GOLGB1: variants seen among roughly 807,000 people sequenced by gnomAD.
The protein encoded by GOLGB1 is golgin subfamily B member 1.
GOLGB1 carries 174 observed loss-of-function variants against 336.9 expected under a neutral mutation model. That is an observed-to-expected ratio of 0.52 (90% confidence interval 0.46 to 0.59). GOLGB1 has a LOEUF of 0.59. GOLGB1 is among the 20% of genes least tolerant of loss of function. The pLI is 0.00. For missense variants in GOLGB1, 3,331 were observed against 3,645.3 expected (o/e 0.91, Z 2.22); for synonymous variants, 1,208 against 1,289.2 (o/e 0.94, Z 1.35).
intron 21 of GOLGB1, 37 bp downstream of exon 21, chr3:121,664,889 T>TA (rs748103831): frequency 1.6e-6 from 2 of 1,266,098 alleles, no homozygotes; most frequent in East Asian, 4.6e-5. Flanking sequence ...CCCTGTCAGA[T>TA]AATAAAACAC....
At chr3:121,723,291 T>C (rs1002423607) in intron 5 of GOLGB1, among the ~76,000 whole-genome samples, 11 of 152,234 alleles carry the variant, frequency 7.2e-5, no homozygotes, top group African/African-American at 2.7e-4. Context: ...TGTAAGTTAC[T>C]GTTGAGGTGC....
intron 14 of GOLGB1, among the ~76,000 whole-genome samples, chr3:121,686,010 T>C (rs1157277668): frequency 6.6e-6 from 1 of 152,148 alleles, no homozygotes; most frequent in Non-Finnish European, 1.5e-5. Context: ...GCATTTTAGC[T>C]CCTTGGAGTG....
chr3:121,709,337 T>C (rs1944153814), intron 10 of GOLGB1, among the ~76,000 whole-genome samples: 1 of 152,220 alleles, frequency 6.6e-6, no homozygotes, highest in East Asian at 1.9e-4. Context: ...AAGTGCTATT[T>C]GTAGAACATT....
rs142534856 is a variant in GOLGB1 at position 121,698,406 on chromosome 3, T to C, written c.2117A>G (p.His706Arg). 4 of 1,613,816 alleles carry C rather than the reference T, an allele frequency of 2.5e-6. No individual in the cohort carries two copies. The highest frequency in any genetic ancestry group is 1.6e-4 in the Middle Eastern group (1 of 6,084). The change falls in exon 13 of 22, where the codon CAT (histidine) becomes CGT (arginine). Residue 706 changes from histidine (H) to arginine (R), a missense_variant. By Grantham distance (29) the His-to-Arg change is conservative (BLOSUM62 0). Coordinates refer to ENST00000614479, the MANE Select transcript of GOLGB1 (RefSeq NM_001366282.2). ...TTTCTCATAGATTTCTTGTGCTTTA[T>C]GAAAGTTTAGCTCGAGCTCCAAAAT... ...SQILELELNFHKAQEIYEKNL... is the reference protein window; with the variant it reads ...SQILELELNFRKAQEIYEKNL...
intron 17 of GOLGB1, among the ~76,000 whole-genome samples, chr3:121,672,260 T>C (rs992537526): frequency 2.0e-5 from 3 of 152,100 alleles, no homozygotes; most frequent in African/African-American, 7.2e-5. Context: ...GTATGGGAGT[T>C]CCCCCTTTCT....
At chr3:121,703,188 C>G (rs1182051670) in intron 10 of GOLGB1, among the ~76,000 whole-genome samples, 2 of 152,026 alleles carry the variant, frequency 1.3e-5, no homozygotes, top group African/African-American at 4.8e-5. Flanking sequence ...ATTTTTTATT[C>G]TCCATGGATA....
Position 121,664,931 on chromosome 3 carries a change from G to C in GOLGB1, c.9655C>G (p.Arg3219Gly). 1 of 1,572,914 alleles carries C rather than the reference G, an allele frequency of 6.4e-7. No homozygotes were observed. The highest frequency in any genetic ancestry group is 8.8e-7 in the Non-Finnish European group (1 of 1,142,612). Residue 3219 changes from arginine (R) to glycine (G), a missense_variant, in exon 21 of 22, where the codon CGA becomes GGA. Physicochemically the swap from Arg to Gly is moderately radical, Grantham distance 125. Coordinates refer to ENST00000614479, the MANE Select transcript of GOLGB1 (RefSeq NM_001366282.2). Reference sequence around the variant, plus strand: ...TTTATCCTTCTTCCTCTTACCCTTCGACAACTGTTGCTTGTAAGATCTATT... The same window carrying C: ...TTTATCCTTCTTCCTCTTACCCTTCCACAACTGTTGCTTGTAAGATCTATT... ...LLIDLTSNSC[R>G]RTRSGVGWKR...
chr3:121,679,804 A>C (rs1940858955), intron 15 of GOLGB1, among the ~76,000 whole-genome samples: 1 of 151,432 alleles, frequency 6.6e-6, no homozygotes, highest in African/African-American at 2.4e-5. Context: ...CTCCTCCCCC[A>C]CTCCCACTGT....
intron 1 of GOLGB1, among the ~76,000 whole-genome samples, chr3:121,733,179 C>T (rs574793390): frequency 1.2e-3 from 174 of 149,012 alleles, no homozygotes; most frequent in Non-Finnish European, 2.0e-3. Flanking sequence ...AAAAATTAGC[C>T]GGGTGTGGTT....
In GOLGB1 at chr3:121,688,157, GCTCTCC is replaced by G. The variant is rs551841350; in HGVS notation, c.8694+2507_8694+2512del. Among the ~76,000 whole-genome samples, 918 of 151,862 alleles carry G rather than the reference GCTCTCC, an allele frequency of 6.0e-3. 8 individuals carry two copies. The highest frequency in any genetic ancestry group is 0.013 in the African/African-American group (528 of 41,396). The stretch of plus-strand genomic sequence containing the variant: ...GCTCATCTTAAAAATTAGAATTTTC[GCTCTCC>G]CTCTCCCTCTCCCTCTCTCTCTCCC... On this transcript the variant is annotated intron_variant, in intron 14 of 21. Transcript: ENST00000614479.
intron 6 of GOLGB1, among the ~76,000 whole-genome samples, 154 bp from the exon 7 acceptor site, chr3:121,719,922 A>G (rs1195862169): frequency 6.6e-6 from 1 of 152,224 alleles, no homozygotes; most frequent in Non-Finnish European, 1.5e-5. Context: ...GTTGGAAGAG[A>G]GATAGGCTGG....
At position 121,696,758 on chromosome 3, in the gene GOLGB1, G is replaced by A; in HGVS notation, c.3765C>T (p.Ser1255=). 6.2e-7 allele frequency: 1 copy of A among 1,614,118 alleles called. No homozygotes were observed. The highest frequency in any genetic ancestry group is 8.5e-7 in the Non-Finnish European group (1 of 1,179,992). The change falls in exon 13 of 22, where the codon AGC becomes AGT. Residue 1255 remains serine, a synonymous_variant. Transcript: ENST00000614479. The stretch of plus-strand genomic sequence containing the variant: ...AAGAACACGATTCCTGCTGGTCTGT[G>A]CTTGGGAGTTTTCCGTCTATGGATT... ...VRESIDGKLP[S]TDQQESCSST... is the part of the protein sequence containing the mutation.
At chr3:121,735,381 C>T (rs1334966646) in intron 1 of GOLGB1, among the ~76,000 whole-genome samples, 1 of 152,100 alleles carries the variant, frequency 6.6e-6, no homozygotes, top group Non-Finnish European at 1.5e-5. Flanking sequence ...TATGATATAA[C>T]CTCACTGAAG....
At chr3:121,689,457 CTCGTTAAGAGT>C (rs1239039406) in intron 14 of GOLGB1, among the ~76,000 whole-genome samples, 7 of 145,702 alleles carry the variant, frequency 4.8e-5, no homozygotes, top group Non-Finnish European at 7.6e-5. Context: ...AGGCAGCATG[CTCGTTAAGAGT>C]CATCACCACT....
In GOLGB1 at chr3:121,694,751, T is replaced by C. The variant is rs1172503523; in HGVS notation, c.5772A>G (p.Lys1924=). 4 of 1,612,726 alleles carry C rather than the reference T, an allele frequency of 2.5e-6. No homozygotes were observed. Among genetic ancestry groups the C allele is most frequent in the Non-Finnish European group, 3.4e-6 (4 of 1,179,942 alleles). The change falls in exon 13 of 22, where the codon AAA becomes AAG. Residue 1924 remains lysine (K), a synonymous_variant. Coordinates refer to ENST00000614479, the MANE Select transcript of GOLGB1 (RefSeq NM_001366282.2). ...TCATAAGCCTCTCTTCCAAATCATC[T>C]TTCTCTTCTTCTGCTGTCTCCTTTA... ...TKLKETAEEE[K]DDLEERLMNQ...
At chr3:121,744,412 G>A (rs1330307180) in intron 1 of GOLGB1, among the ~76,000 whole-genome samples, 1 of 129,628 alleles carries the variant, frequency 7.7e-6, no homozygotes, top group African/African-American at 3.0e-5. Flanking sequence ...TTCAAGACCA[G>A]CCTGAGCAAC....
At chr3:121,735,099 C>T (rs980399763) in intron 1 of GOLGB1, among the ~76,000 whole-genome samples, 11 of 152,058 alleles carry the variant, frequency 7.2e-5, no homozygotes, top group Non-Finnish European at 1.0e-4. Flanking sequence ...AGAAATTAAC[C>T]CACACAAATA....
rs114624117 is a variant in GOLGB1 at position 121,664,580 on chromosome 3, C to T, written c.9695G>A (p.Arg3232His). The T allele has an allele frequency of 2.2e-5, 35 of 1,613,532 alleles. No homozygotes were observed. Among genetic ancestry groups the T allele is most frequent in the East Asian group, 4.5e-5 (2 of 44,890 alleles). The change falls in exon 22 of 22, where the codon CGT becomes CAT. Residue 3232 changes from arginine to histidine, a missense_variant. Coordinates refer to ENST00000614479, the MANE Select transcript of GOLGB1 (RefSeq NM_001366282.2). ...RSGVGWKRVL[R>H]SLCHSRTRVP... is the part of the protein sequence containing the mutation. ...TCGGGTCCGTGAATGACAGAGTGAA[C>T]GCAGGACTCGCTTCCATCCAACGCC...
intron 4 of GOLGB1, among the ~76,000 whole-genome samples, chr3:121,727,314 ATATATATTTT>A (rs1476101042): frequency 8.8e-4 from 34 of 38,492 alleles, no homozygotes; most frequent in Middle Eastern, 0.021. Flanking sequence ...ATATATATAT[ATATATATTTT>A]TTTTTTTTTT....
Sources: allele counts gnomAD v4.1 joint callset (sites outside exome capture counted in the v4.1 genomes callset), GRCh38; gene constraint gnomAD v4.1.1; transcripts MANE v1.5; gene names NCBI Gene and HGNC (gene_info 2026-07-23, HGNC 2026-07-21).